The following PIGH variants were observed in gnomAD, a reference collection of about 807,000 sequenced individuals.
PIGH encodes phosphatidylinositol glycan anchor biosynthesis class H.
PIGH carries 11 observed loss-of-function variants against 20.1 expected under a neutral mutation model. The ratio of observed to expected loss-of-function variants is 0.55; its 90% CI spans 0.34 to 0.91. The LOEUF is 0.91. Ranked by LOEUF, PIGH falls within the 40% of genes least tolerant of loss-of-function variation. The probability of loss-of-function intolerance (pLI) is 0.02; values close to 1 mark genes in which losing one functional copy is unlikely to be tolerated. For synonymous variants in PIGH, 72 were observed against 93.1 expected (o/e 0.77, Z 1.31); for missense variants, 189 against 233.6 (o/e 0.81, Z 1.24).
At chr14:67,597,314 C>CA (rs2036492695) in intron 1 of PIGH, among the ~76,000 whole-genome samples, 1 of 151,896 alleles carries the variant, frequency 6.6e-6, no homozygotes, top group African/African-American at 2.4e-5. Flanking sequence ...CCTGTCTCTA[C>CA]AAAAAATACA....
chr14:67,596,294 A>G (rs61990082), intron 1 of PIGH, among the ~76,000 whole-genome samples: 1 of 20,934 alleles, frequency 4.8e-5, no homozygotes, highest in South Asian at 1.7e-3. Flanking sequence ...ACGCCCAGCT[A>G]ATTTTTTTTT....
rs10162 is a variant in PIGH, at chr14:67,589,375, T to A, written c.*705A>T. The A allele has an allele frequency of 1.0e-6, 1 of 984,550 alleles. No individual in the cohort carries two copies. Among genetic ancestry groups the A allele is most frequent in the Admixed American group, 6.2e-5 (1 of 16,254 alleles). 61.0% of individuals were successfully genotyped at this position (984,550 alleles called of 1,614,324 possible). Reference sequence around the variant, plus strand: ...CCCATGTCTGAAAACCAAAGTCCAATTTCTGTCTGGCCTTTTGTCTCATCC... The same window carrying A: ...CCCATGTCTGAAAACCAAAGTCCAAATTCTGTCTGGCCTTTTGTCTCATCC... On this transcript the variant is annotated 3_prime_UTR_variant, in exon 4 of 4. Transcript: ENST00000216452.
In PIGH at chr14:67,589,381, T is replaced by C; in HGVS notation, c.*699A>G. Reference sequence around the variant, plus strand: ...TCTGAAAACCAAAGTCCAATTTCTGTCTGGCCTTTTGTCTCATCCTTCTTG... The same window carrying C: ...TCTGAAAACCAAAGTCCAATTTCTGCCTGGCCTTTTGTCTCATCCTTCTTG... On this transcript the variant is annotated 3_prime_UTR_variant, in exon 4 of 4. Transcript: ENST00000216452. 2.0e-6 allele frequency: 2 copies of C among 984,580 alleles called. No homozygotes were observed. The highest frequency in any genetic ancestry group is 2.4e-6 in the Non-Finnish European group (2 of 829,148). The allele number at this position is 984,580 out of a possible 1,614,324, so 61.0% of individuals were successfully genotyped here.
At chr14:67,597,525 C>T (rs1332399056) in intron 1 of PIGH, among the ~76,000 whole-genome samples, 1 of 151,740 alleles carries the variant, frequency 6.6e-6, no homozygotes, top group Non-Finnish European at 1.5e-5. Context: ...GTTTGCTTAT[C>T]TCTGTGCTAG....
At position 67,600,233 on chromosome 14, in the gene PIGH, C is replaced by A. The variant is rs1210218585; in HGVS notation, c.-30G>T. ...CCCCCACTCGGCCGCCCGCACCGCG[C>A]GGCGCTGCACTGCGCTCGCCGGCCC... On this transcript the variant is annotated 5_prime_UTR_variant, in exon 1 of 4. Transcript: ENST00000216452. The A allele has an allele frequency of 8.5e-6, 13 of 1,523,410 alleles. No individual in the cohort carries two copies. The Admixed American group carries it at 1.4e-4, about 17-fold the overall frequency. 94.4% of individuals were successfully genotyped at this position (1,523,410 alleles called of 1,614,324 possible). A position where few individuals can be genotyped will look rare whatever the true frequency, so the allele number is the denominator to read the frequency against.
Position 67,592,679 on chromosome 14 carries a change from G to A in PIGH, c.430C>T (p.Pro144Ser). ...IYYLCILLKDPVEPHGISQVV... is the reference protein window; with the variant it reads ...IYYLCILLKDSVEPHGISQVV... ...TGGGATATCCCATGTGGTTCCACTG[G>A]ATCTTTCAATAAGATGCAGAGGTAG... Residue 144 changes from proline to serine, a missense_variant, in exon 3 of 4, where the codon CCA becomes TCA. Pro to Ser is a moderately conservative substitution (Grantham distance 74, BLOSUM62 -1). Transcript: ENST00000216452. 6.2e-7 allele frequency: 1 copy of A among 1,608,300 alleles called. No homozygotes were observed. Among genetic ancestry groups the A allele is most frequent in the Non-Finnish European group, 8.5e-7 (1 of 1,176,366 alleles).
At chr14:67,595,723 C>T (rs2140632345) in intron 1 of PIGH, among the ~76,000 whole-genome samples, 1 of 152,006 alleles carries the variant, frequency 6.6e-6, no homozygotes, top group African/African-American at 2.4e-5. Context: ...CTCTGCCAGA[C>T]CCAGTGGAGA....
At chr14:67,592,309 G>A (rs934229481) in intron 3 of PIGH, 4 of 436,906 alleles carry the variant, frequency 9.2e-6, no homozygotes, top group Non-Finnish European at 1.3e-5. Context: ...GCGAGATGGT[G>A]CACACCTGTA....
intron 1 of PIGH, among the ~76,000 whole-genome samples, chr14:67,599,805 AG>A (rs1451793252): frequency 6.6e-6 from 1 of 152,194 alleles, no homozygotes; most frequent in Non-Finnish European, 1.5e-5. Flanking sequence ...CAGCCACGGA[AG>A]GGGAATGTAC....
At position 67,589,991 on chromosome 14, in the gene PIGH, C is replaced by T; in HGVS notation, c.*89G>A. ...ATAATGGTTCCTAGGACTGTGTCCA[C>T]CTGATGGTTTGGAGTACGGAAAACC... is the stretch of plus-strand genomic sequence containing the variant. On this transcript the variant is annotated 3_prime_UTR_variant, in exon 4 of 4. Coordinates refer to ENST00000216452, the MANE Select transcript of PIGH (RefSeq NM_004569.5). 2.1e-6 allele frequency: 3 copies of T among 1,461,130 alleles called. No individual in the cohort carries two copies. The highest frequency in any genetic ancestry group is 1.4e-5 in the African/African-American group (1 of 70,242). The allele number at this position is 1,461,130 out of a possible 1,614,324, so 90.5% of individuals were successfully genotyped here. A position where few individuals can be genotyped will look rare whatever the true frequency, so the allele number is the denominator to read the frequency against.
Position 67,590,020 on chromosome 14 carries a change from C to T in PIGH, c.*60G>A, listed in dbSNP as rs1594805174. 20 of 1,503,862 alleles carry T rather than the reference C, an allele frequency of 1.3e-5. No homozygotes were observed. Among genetic ancestry groups the T allele is most frequent in the Non-Finnish European group, 1.7e-5 (19 of 1,123,708 alleles). 93.2% of individuals were successfully genotyped at this position (1,503,862 alleles called of 1,614,324 possible). ...ATGGTTTGGAGTACGGAAAACCAGC[C>T]CCTATGGCTTAAGAGTCATCTCCCA... On this transcript the variant is annotated 3_prime_UTR_variant, in exon 4 of 4. Transcript: ENST00000216452.
At chr14:67,590,350 T>G (rs2036333299) in intron 3 of PIGH, among the ~76,000 whole-genome samples, 178 bp from the exon 4 acceptor site, 1 of 151,532 alleles carries the variant, frequency 6.6e-6, no homozygotes, top group East Asian at 1.9e-4. Context: ...CCTCCCAGGT[T>G]CAAGTGATTC....
intron 3 of PIGH, 77 bp from the exon 4 acceptor site, chr14:67,590,249 ATTTT>A (rs34186099): frequency 4.9e-3 from 3,549 of 728,396 alleles, no homozygotes; most frequent in South Asian, 7.9e-3. Flanking sequence ...CCACTTGCAA[ATTTT>A]TTTTTTTTTT....
intron 1 of PIGH, among the ~76,000 whole-genome samples, chr14:67,599,154 C>T (rs1453046614): frequency 1.3e-5 from 2 of 152,166 alleles, no homozygotes; most frequent in East Asian, 3.8e-4. Flanking sequence ...GAAACAATAT[C>T]CAAGTTACAA....
Position 67,589,803 on chromosome 14 carries a change from T to C in PIGH, c.*277A>G, listed in dbSNP as rs2036314060. On this transcript the variant is annotated 3_prime_UTR_variant, in exon 4 of 4. Coordinates refer to ENST00000216452, the MANE Select transcript of PIGH (RefSeq NM_004569.5). The stretch of plus-strand genomic sequence containing the variant: ...CATGCTTAGCAATTTCCGAAAGTGT[T>C]CTTTGCTGACATTACTTTTGACATA... The C allele has an allele frequency of 2.6e-6, 3 of 1,132,158 alleles. No homozygotes were observed. The African/African-American group carries it at 4.8e-5, about 18-fold the overall frequency. The allele number at this position is 1,132,158 out of a possible 1,614,324, so 70.1% of individuals were successfully genotyped here.
intron 2 of PIGH, 37 bp from the exon 3 acceptor site, chr14:67,592,755 A>G (rs760127332): frequency 8.2e-7 from 1 of 1,223,450 alleles, no homozygotes; most frequent in Non-Finnish European, 1.2e-6. Context: ...AGTCTAAGTG[A>G]AACTCATTTT....
intron 2 of PIGH, among the ~76,000 whole-genome samples, chr14:67,592,958 TG>T (rs1368417006): frequency 3.3e-5 from 5 of 151,990 alleles, no homozygotes; most frequent in African/African-American, 4.8e-5. Flanking sequence ...GCTAATTTTT[TG>T]TATTTTTAGT....
intron 3 of PIGH, chr14:67,592,205 CAGG>C (rs1179111393): frequency 4.2e-6 from 1 of 238,856 alleles, no homozygotes; most frequent in South Asian, 3.8e-5. Flanking sequence ...GAGGCTGAGG[CAGG>C]AGAATTGCTT....
Position 67,600,234 on chromosome 14 carries a change from G to T in PIGH, c.-31C>A. 6.6e-7 allele frequency: 1 copy of T among 1,523,806 alleles called. No homozygotes were observed. The highest frequency in any genetic ancestry group is 1.2e-5 in the South Asian group (1 of 81,386). 94.4% of individuals were successfully genotyped at this position (1,523,806 alleles called of 1,614,324 possible). A position where few individuals can be genotyped will look rare whatever the true frequency, so the allele number is the denominator to read the frequency against. ...CCCCACTCGGCCGCCCGCACCGCGC[G>T]GCGCTGCACTGCGCTCGCCGGCCCT... On this transcript the variant is annotated 5_prime_UTR_variant, in exon 1 of 4. Transcript: ENST00000216452.
Sources: allele counts gnomAD v4.1 joint callset (sites outside exome capture counted in the v4.1 genomes callset), GRCh38; gene constraint gnomAD v4.1.1; transcripts MANE v1.5; gene names NCBI Gene and HGNC (gene_info 2026-07-23, HGNC 2026-07-21).